PCDH11Y: variants seen among roughly 807,000 people sequenced by gnomAD.
PCDH11Y encodes the protein protocadherin-11 Y-linked.
For synonymous variants in PCDH11Y, 9 were observed against 83.6 expected, an observed-to-expected ratio of 0.11 and a Z score of 4.87; for missense variants, 12 against 224.8, an observed-to-expected ratio of 0.05 and a Z score of 6.05.
At chrY:5,592,555 A>G in intron 4 of PCDH11Y, among the ~76,000 whole-genome samples, 2 of 30,421 alleles carry the variant, frequency 6.6e-5, no homozygotes, top group Admixed American at 6.1e-4. Context: ...ATTTGATTCT[A>G]TCATCATCAT....
intron 2 of PCDH11Y, among the ~76,000 whole-genome samples, chrY:5,494,862 T>C (rs2053342623): frequency 3.2e-5 from 1 of 30,920 alleles, no homozygotes; most frequent in Admixed American, 3.1e-4. Flanking sequence ...GCCTGGCCAA[T>C]ATGGTGAAAC....
At chrY:5,632,681 T>A in intron 4 of PCDH11Y, among the ~76,000 whole-genome samples, 1 of 29,409 alleles carries the variant, frequency 3.4e-5, no homozygotes, top group Non-Finnish European at 8.2e-5. Flanking sequence ...AGGTAAAATT[T>A]CATGAGGTTT....
At chrY:5,734,239 T>C in intron 4 of PCDH11Y, among the ~76,000 whole-genome samples, 4 of 31,526 alleles carry the variant, frequency 1.3e-4, no homozygotes, top group Non-Finnish European at 3.1e-4. Flanking sequence ...TGTTTGGGTA[T>C]TGAGTGCGAA....
At chrY:5,305,394 G>A (rs2124663744) in intron 2 of PCDH11Y, among the ~76,000 whole-genome samples, 3 of 33,271 alleles carry the variant, frequency 9.0e-5, no homozygotes, top group Non-Finnish European at 2.2e-4. Flanking sequence ...AATATGACAA[G>A]GCAAAGCGGC....
At chrY:5,471,558 C>A (rs2053314015) in intron 2 of PCDH11Y, among the ~76,000 whole-genome samples, 8 of 32,306 alleles carry the variant, frequency 2.5e-4, no homozygotes, top group Admixed American at 1.4e-3. Context: ...TTTTCTCACT[C>A]TTTAGGCAAC....
intron 2 of PCDH11Y, among the ~76,000 whole-genome samples, chrY:5,478,922 G>C: frequency 3.2e-5 from 1 of 31,188 alleles, no homozygotes; most frequent in Non-Finnish European, 7.7e-5. Flanking sequence ...GAGCCTCTGG[G>C]TATCTTTGCA....
intron 2 of PCDH11Y, among the ~76,000 whole-genome samples, chrY:5,148,650 A>G: frequency 6.0e-5 from 2 of 33,096 alleles, no homozygotes; most frequent in Non-Finnish European, 1.5e-4. Context: ...TATGTAAAAA[A>G]TGTACTTAAT....
At chrY:5,491,536 G>A (rs2053338406) in intron 2 of PCDH11Y, among the ~76,000 whole-genome samples, 1 of 32,907 alleles carries the variant, frequency 3.0e-5, no homozygotes, top group Non-Finnish European at 7.5e-5. Flanking sequence ...AACACAAACA[G>A]GGCTGAAACA....
chrY:5,626,414 T>G, intron 4 of PCDH11Y, among the ~76,000 whole-genome samples: 1 of 33,004 alleles, frequency 3.0e-5, no homozygotes, highest in Non-Finnish European at 7.5e-5. Context: ...AGTTCATCTC[T>G]GATTTTTTAG....
At chrY:5,632,090 T>C in intron 4 of PCDH11Y, among the ~76,000 whole-genome samples, 3 of 32,399 alleles carry the variant, frequency 9.3e-5, no homozygotes, top group African/African-American at 3.6e-4. Flanking sequence ...ACCTACCTCA[T>C]GGAAATGCTT....
intron 2 of PCDH11Y, among the ~76,000 whole-genome samples, chrY:5,461,659 T>C (rs2053303530): frequency 3.0e-5 from 1 of 32,950 alleles, no homozygotes; most frequent in Non-Finnish European, 7.5e-5. Context: ...TATGCCTGAG[T>C]GTTAAGGAAA....
At chrY:5,224,593 G>A in intron 2 of PCDH11Y, among the ~76,000 whole-genome samples, 1 of 32,642 alleles carries the variant, frequency 3.1e-5, no homozygotes, top group Non-Finnish European at 7.5e-5. Context: ...TGAGTCAACT[G>A]GCAGGCAGAC....
chrY:5,356,614 C>T (rs2053166111), intron 2 of PCDH11Y, among the ~76,000 whole-genome samples: 1 of 31,252 alleles, frequency 3.2e-5, no homozygotes, highest in South Asian at 7.7e-4. Context: ...TAGTGGCTCA[C>T]GCCTATAATC....
At chrY:5,352,144 C>T in intron 2 of PCDH11Y, among the ~76,000 whole-genome samples, 2 of 19,250 alleles carry the variant, frequency 1.0e-4, no homozygotes, top group Non-Finnish European at 2.2e-4. Context: ...TTTTTTGAGA[C>T]GGAGTCTCGC....
chrY:5,459,135 A>G (rs2124683641), intron 2 of PCDH11Y, among the ~76,000 whole-genome samples: 1 of 31,709 alleles, frequency 3.2e-5, no homozygotes, highest in South Asian at 7.0e-4. Context: ...TTCCTTTTTA[A>G]AAATATTCTT....
intron 2 of PCDH11Y, among the ~76,000 whole-genome samples, chrY:5,159,273 A>G: frequency 3.4e-5 from 1 of 29,737 alleles, no homozygotes. Context: ...CATTGGTTCA[A>G]TCTGGAAGGG....
intron 2 of PCDH11Y, among the ~76,000 whole-genome samples, chrY:5,368,837 C>T (rs2053184193): frequency 8.8e-5 from 3 of 34,120 alleles, no homozygotes; most frequent in African/African-American, 2.3e-4. Flanking sequence ...GAACCCACCT[C>T]TTGCATCAGC....
intron 4 of PCDH11Y, among the ~76,000 whole-genome samples, chrY:5,677,934 T>C (rs2124709166): frequency 3.0e-5 from 1 of 32,974 alleles, no homozygotes; most frequent in Admixed American, 2.8e-4. Flanking sequence ...TTTTCTTCCA[T>C]TCTATAGACT....
At chrY:5,410,547 C>G (rs1602921561) in intron 2 of PCDH11Y, among the ~76,000 whole-genome samples, 3 of 32,211 alleles carry the variant, frequency 9.3e-5, no homozygotes, top group African/African-American at 3.7e-4. Context: ...AAACTTTTAT[C>G]TTAGGTTTTG....
Sources: allele counts gnomAD v4.1 joint callset (sites outside exome capture counted in the v4.1 genomes callset), GRCh38; gene constraint gnomAD v4.1.1; transcripts MANE v1.5; gene names NCBI Gene and HGNC (gene_info 2026-07-23, HGNC 2026-07-21).